The following GIGYF1 variants were observed in gnomAD, a reference collection of about 807,000 sequenced individuals.
GIGYF1 encodes the protein GRB10 interacting GYF protein 1.
Under a neutral mutation model 147.1 loss-of-function variants are expected in GIGYF1, and 84 were observed. The ratio of observed to expected loss-of-function variants is 0.57; its 90% confidence interval spans 0.48 to 0.68. The LOEUF is 0.68. Ranked by LOEUF, GIGYF1 falls within the 30% of genes least tolerant of loss-of-function variation. The pLI is 0.00. For missense variants in GIGYF1, 1,485 were observed against 1,393.7 expected (o/e 1.07, Z -1.04); for synonymous variants, 752 against 589.5 (o/e 1.28, Z -3.99).
chr7:100,686,728 C>T lies in GIGYF1; in HGVS notation c.615G>A (p.Gln205=). The T allele has an allele frequency of 6.2e-7, 1 of 1,613,760 alleles. No homozygotes were observed. Among genetic ancestry groups the T allele is most frequent in the South Asian group, 1.1e-5 (1 of 91,084 alleles). The part of the protein sequence containing the change: ...SENWRSLREE[Q]EEEEEGSWRL... ...TCCAGCTGCCCTCCTCCTCCTCCTCCTGTTCCTCCCGTAGGGAGCGCCAGT... is the reference window on the plus strand; with the variant it reads ...TCCAGCTGCCCTCCTCCTCCTCCTCTTGTTCCTCCCGTAGGGAGCGCCAGT... Residue 205 remains glutamine (Q), a synonymous_variant, in exon 10 of 27, where the codon CAG becomes CAA. Coordinates refer to ENST00000678049, the MANE Select transcript of GIGYF1 (RefSeq NM_001375765.1).
rs746091914 is a variant in GIGYF1 at position 100,682,079 on chromosome 7, TGCTGCC to T, written c.2912_2917del (p.Arg971_Gln972del). 6.2e-7 allele frequency: 1 copy of T among 1,612,820 alleles called. No individual in the cohort carries two copies. The highest frequency in any genetic ancestry group is 8.5e-7 in the Non-Finnish European group (1 of 1,179,714). Reference sequence around the variant, plus strand: ...TGGTGCCGGCTGCCTCACCTGCTGCTGCTGCCGCTGCTGGCTGGCTTTCTGCTTGGC... The same window carrying T: ...TGGTGCCGGCTGCCTCACCTGCTGCTGCTGCTGGCTGGCTTTCTGCTTGGC... On this transcript the variant is annotated inframe_deletion, in exon 25 of 27. Transcript: ENST00000678049.
rs1804726718 is a variant in GIGYF1 at position 100,681,307 on chromosome 7, T to C, written c.*412A>G. 6.4e-6 allele frequency: 1 copy of C among 155,718 alleles called. No individual in the cohort carries two copies. The highest frequency in any genetic ancestry group is 2.1e-4 in the South Asian group (1 of 4,862). The allele number at this position is 155,718 out of a possible 1,614,324, so 9.6% of individuals were successfully genotyped here. ...CTGCCCCAAAATAACAGTGTGTTTT[T>C]TCTTTCAGCCTCCTAACCATTTTTT... is the stretch of plus-strand genomic sequence containing the variant. On this transcript the variant is annotated 3_prime_UTR_variant, in exon 27 of 27. Coordinates refer to ENST00000678049, the MANE Select transcript of GIGYF1 (RefSeq NM_001375765.1).
rs1805381797 is a variant in GIGYF1, at chr7:100,686,731, T to C, written c.612A>G (p.Glu204=). Residue 204 remains glutamate (E), a synonymous_variant, in exon 10 of 27, where the codon GAA becomes GAG. Coordinates refer to ENST00000678049, the MANE Select transcript of GIGYF1 (RefSeq NM_001375765.1). ...AGCTGCCCTCCTCCTCCTCCTCCTG[T>C]TCCTCCCGTAGGGAGCGCCAGTTCT... ...DSENWRSLRE[E]QEEEEEGSWR... The C allele has an allele frequency of 6.2e-7, 1 of 1,613,646 alleles. No homozygotes were observed. Among genetic ancestry groups the C allele is most frequent in the Middle Eastern group, 1.7e-4 (1 of 6,060 alleles).
At position 100,686,296 on chromosome 7, in the gene GIGYF1, A is replaced by G. The variant is rs200931522; in HGVS notation, c.832T>C (p.Cys278Arg). ...TCCTCAAAGCCTTCAGGCGCTCGGC[A>G]CCGCCGCAGGTGAGAGCTGCCTCCC... ...GGGGSSHLRR[C>R]RAPEGFEEDK... The change falls in exon 11 of 27, where the codon TGC becomes CGC. Residue 278 changes from cysteine (C) to arginine (R), a missense_variant. Cys to Arg is a radical substitution (Grantham distance 180, BLOSUM62 -3). Coordinates refer to ENST00000678049, the MANE Select transcript of GIGYF1 (RefSeq NM_001375765.1). 2 of 1,613,698 alleles carry G rather than the reference A, an allele frequency of 1.2e-6. No individual in the cohort carries two copies. The highest frequency in any genetic ancestry group is 1.7e-6 in the Non-Finnish European group (2 of 1,179,924).
Position 100,688,296 on chromosome 7 carries a change from C to G in GIGYF1, c.-58G>C, listed in dbSNP as rs893793022. The G allele has an allele frequency of 3.3e-6, 4 of 1,229,008 alleles. No homozygotes were observed. In the African/African-American group the frequency reaches 5.8e-5, roughly 18 times the overall value. 76.1% of individuals were successfully genotyped at this position (1,229,008 alleles called of 1,614,324 possible). A position where few individuals can be genotyped will look rare whatever the true frequency, so the allele number is the denominator to read the frequency against. On this transcript the variant is annotated 5_prime_UTR_variant, in exon 4 of 27. Transcript: ENST00000678049. ...TGGGGAGGAGGGGACCTGGCGTTCA[C>G]TGTCCAAACACCTGTGGGGGAACAG...
At chr7:100,683,280 C>T in intron 21 of GIGYF1, 24 bp downstream of exon 21, 1 of 1,613,696 alleles carries the variant, frequency 6.2e-7, no homozygotes. Flanking sequence ...TCCACCCAGC[C>T]AGCTGAGGCT....
At chr7:100,684,671 G>A in intron 15 of GIGYF1, 52 bp downstream of exon 15, 1 of 1,612,120 alleles carries the variant, frequency 6.2e-7, no homozygotes, top group Non-Finnish European at 8.5e-7. Context: ...GTATGCCAGA[G>A]ACACCCTGAA....
rs769505900 is a variant in GIGYF1 at position 100,684,284 on chromosome 7, G to GGCC, written c.1680_1682dup (p.Ala561dup). 3 of 1,605,488 alleles carry GGCC rather than the reference G, an allele frequency of 1.9e-6. No homozygotes were observed. The highest frequency in any genetic ancestry group is 2.5e-6 in the Non-Finnish European group (3 of 1,176,980). ...GCTGGTGCTGCAGCTGCTGGTACAA[G>GGCC]GCCGCCGCGGCCAGCTCCTGTTGCT... On this transcript the variant is annotated inframe_insertion, in exon 17 of 27. Transcript: ENST00000678049.
Position 100,686,134 on chromosome 7 carries a change from A to C in GIGYF1, c.948+46T>G, listed in dbSNP as rs138613807. On this transcript the variant is annotated intron_variant, in intron 11 of 26. Transcript: ENST00000678049. ...ACAGCTGGGGTGGGTGGGGAGGAAG[A>C]GGACCCCGGAAGGGCAGGTTCCCAC... The C allele has an allele frequency of 9.9e-4, 1,585 of 1,600,908 alleles. 15 individuals carry two copies. In the African/African-American group the frequency reaches 0.019, roughly 19 times the overall value.
At chr7:100,687,246 C>G in intron 8 of GIGYF1, 52 bp downstream of exon 8, 2 of 1,547,852 alleles carry the variant, frequency 1.3e-6, no homozygotes, top group Non-Finnish European at 1.8e-6. Context: ...AGGGCCCAGG[C>G]CTCCCCTCCC....
In GIGYF1 at chr7:100,683,073, T is replaced by C. The variant is rs1326837563; in HGVS notation, c.2351A>G (p.Gln784Arg). ...LLELQLEGER[Q>R]LHKQPPPREP... ...CCGAGGTGGGGGCTGTTTGTGCAGC[T>C]GCCGCTCGCCCTCCAGCTGCAACTC... Residue 784 changes from glutamine (Q) to arginine (R), a missense_variant, in exon 22 of 27, where the codon CAG becomes CGG. Gln to Arg is a conservative substitution (Grantham distance 43). Coordinates refer to ENST00000678049, the MANE Select transcript of GIGYF1 (RefSeq NM_001375765.1). The C allele has an allele frequency of 4.4e-6, 7 of 1,580,710 alleles. No homozygotes were observed. Among genetic ancestry groups the C allele is most frequent in the Middle Eastern group, 1.8e-4 (1 of 5,676 alleles).
rs139996819 is a variant in GIGYF1 at position 100,687,850 on chromosome 7, C to T, written c.199G>A (p.Ala67Thr). 5,378 of 1,613,024 alleles carry T rather than the reference C, an allele frequency of 3.3e-3. 14 individuals are homozygous for T. Among genetic ancestry groups the T allele is most frequent in the Non-Finnish European group, 4.4e-3 (5,137 of 1,179,998 alleles). The change falls in exon 6 of 27, where the codon GCG becomes ACG. Residue 67 changes from alanine (A) to threonine (T), a missense_variant. Ala to Thr is a moderately conservative substitution (Grantham distance 58). Coordinates refer to ENST00000678049, the MANE Select transcript of GIGYF1 (RefSeq NM_001375765.1). ...TGCAGTGGCTCGTCCTGCAGCACCG[C>T]GGCGAACTCCTTGTCCTGCAGCTCT... ...PEELQDKEFA[A>T]VLQDEPLQPL...
chr7:100,686,346 C>G lies in GIGYF1; in HGVS notation c.782G>C (p.Cys261Ser). The G allele has an allele frequency of 6.2e-7, 1 of 1,613,342 alleles. No homozygotes were observed. The change falls in exon 11 of 27, where the codon TGT (cysteine) becomes TCT (serine). Residue 261 changes from cysteine (C) to serine (S), a missense_variant. By Grantham distance (112) the Cys-to-Ser change is moderately radical. Transcript: ENST00000678049. ...EFDLRGDRGG[C>S]GEEEGRGGGG... Reference sequence around the variant, plus strand: ...CCCTCCCCGCCCCTCCTCTTCACCACACCCTCCTCGATCCCCTCGCAAATC... The same window carrying G: ...CCCTCCCCGCCCCTCCTCTTCACCAGACCCTCCTCGATCCCCTCGCAAATC...
chr7:100,687,232 C>T (rs541143107), intron 8 of GIGYF1, 66 bp downstream of exon 8: 139 of 1,514,928 alleles, frequency 9.2e-5, no homozygotes, highest in Admixed American at 2.7e-4. Flanking sequence ...TACCCTCTAG[C>T]GACAGGGCCC....
In GIGYF1 at chr7:100,687,036, G is replaced by A. The variant is rs1167657853; in HGVS notation, c.493C>T (p.Arg165Trp). ...TCCCGCCTTGCTGACTTCTCAAACC[G>A]CCTCTCGCCTCTGCAGCAGGGGAAA... ...SQSWDDRGERRFEKSARRDGA... is the reference protein window; with the variant it reads ...SQSWDDRGERWFEKSARRDGA... The change falls in exon 9 of 27, where the codon CGG becomes TGG. Residue 165 changes from arginine (R) to tryptophan (W), a missense_variant. By Grantham distance (101) the Arg-to-Trp change is moderately radical. Coordinates refer to ENST00000678049, the MANE Select transcript of GIGYF1 (RefSeq NM_001375765.1). The A allele has an allele frequency of 8.7e-6, 14 of 1,613,672 alleles. No homozygotes were observed. The highest frequency in any genetic ancestry group is 2.7e-5 in the African/African-American group (2 of 74,912).
Position 100,682,222 on chromosome 7 carries a change from T to C in GIGYF1, c.2775A>G (p.Val925=), listed in dbSNP as rs766803258. 6.2e-7 allele frequency: 1 copy of C among 1,612,430 alleles called. No homozygotes were observed. The highest frequency in any genetic ancestry group is 1.7e-5 in the Admixed American group (1 of 60,020). ...ATGSLDVPMA[V]AILKEVESPY... ...GGGATTCCACCTCCTTGAGGATCGC[T>C]ACAGCCATGGGCACTGCAGGATGAG... is the stretch of plus-strand genomic sequence containing the variant. Residue 925 remains valine (V), a synonymous_variant, in exon 25 of 27, where the codon GTA becomes GTG. Transcript: ENST00000678049.
At position 100,690,494 on chromosome 7, in the gene GIGYF1, A is replaced by G. The variant is rs188327268; in HGVS notation, c.-1098-939T>C. Among the ~76,000 whole-genome samples the G allele has an allele frequency of 7.5e-4, 114 of 152,334 alleles. 2 individuals are homozygous for G. In the East Asian group the frequency reaches 0.017, roughly 23 times the overall value. On this transcript the variant is annotated intron_variant, in intron 1 of 26. Transcript: ENST00000678049. ...AATTCTAAACATTTTTTAAAAAAGA[A>G]AAAGTGGCCAGGCGTGGTGGTTCAT...
At position 100,682,447 on chromosome 7, in the gene GIGYF1, CG is replaced by C; in HGVS notation, c.2635del (p.Arg879AlafsTer11). 1 of 1,613,198 alleles carries C rather than the reference CG, an allele frequency of 6.2e-7. No individual in the cohort carries two copies. The highest frequency in any genetic ancestry group is 8.5e-7 in the Non-Finnish European group (1 of 1,179,980). ...SYSHLSGRPIRKKTEEEEKLL... is the reference protein window; with the variant it reads ...SYSHLSGRPIXKKTEEEEKLL... ...CTTCTCTTCTTCCTCCGTCTTTTTG[CG>C]AATGGGCCGACCCGATAGGTGGCTG... On this transcript the variant is annotated frameshift_variant, in exon 24 of 27. Coordinates refer to ENST00000678049, the MANE Select transcript of GIGYF1 (RefSeq NM_001375765.1). LOFTEE classifies it high-confidence loss of function.
chr7:100,692,854 G>C (rs893972093), intron 1 of GIGYF1, among the ~76,000 whole-genome samples: 1 of 152,156 alleles, frequency 6.6e-6, no homozygotes, highest in African/African-American at 2.4e-5. Flanking sequence ...AATCAGATTG[G>C]AGCTGGCTAG....
Sources: allele counts gnomAD v4.1 joint callset (sites outside exome capture counted in the v4.1 genomes callset), GRCh38; gene constraint gnomAD v4.1.1; transcripts MANE v1.5; gene names NCBI Gene and HGNC (gene_info 2026-07-23, HGNC 2026-07-21).